Variants in CACNA2D2 observed in about 807,000 individuals in gnomAD.
CACNA2D2 encodes voltage-dependent calcium channel subunit alpha-2/delta-2.
In CACNA2D2, 48 loss-of-function variants were observed where a neutral mutation model predicts 166.4. The observed-to-expected ratio is 0.29, with a 90% CI of 0.23 to 0.37. The LOEUF (loss-of-function observed/expected upper bound fraction) is 0.37. CACNA2D2 is among the 10% of genes least tolerant of loss of function. The pLI is 1.00. For synonymous variants in CACNA2D2, 561 were observed against 573.7 expected (o/e 0.98, Z 0.32); for missense variants, 1,122 against 1,433.0 (o/e 0.78, Z 3.50).
chr3:50,444,733 G>GA (rs1487931595), intron 2 of CACNA2D2, among the ~76,000 whole-genome samples: 1 of 152,244 alleles, frequency 6.6e-6, no homozygotes, highest in African/African-American at 2.4e-5. Context: ...GGCTGCTCTT[G>GA]TGAAAACATG....
Position 50,374,670 on chromosome 3 carries a change from C to G in CACNA2D2, c.1984+67G>C. The G allele has an allele frequency of 6.5e-6, 10 of 1,536,584 alleles. No homozygotes were observed. In the South Asian group the frequency reaches 1.2e-4, roughly 18 times the overall value. ...CCGGCAAGCGGCGCTGGCTATGCTG[C>G]CTGGGGCCGGCCAGGGTGCGGGGCA... is the stretch of plus-strand genomic sequence containing the variant. On this transcript the variant is annotated intron_variant, in intron 22 of 37. Coordinates refer to ENST00000424201, the MANE Select transcript of CACNA2D2 (RefSeq NM_006030.4).
At chr3:50,472,562 C>T (rs905684070) in intron 2 of CACNA2D2, among the ~76,000 whole-genome samples, 4 of 152,034 alleles carry the variant, frequency 2.6e-5, no homozygotes, top group African/African-American at 2.4e-5. Context: ...GAATGCATCC[C>T]GGGGCTGGCA....
chr3:50,398,276 G>C (rs758805928), intron 3 of CACNA2D2, among the ~76,000 whole-genome samples: 8 of 152,100 alleles, frequency 5.3e-5, no homozygotes, highest in Non-Finnish European at 1.2e-4. Context: ...GGAGGTGCCT[G>C]CAGTCTCTGG....
At chr3:50,430,899 G>A (rs1214246587) in intron 3 of CACNA2D2, among the ~76,000 whole-genome samples, 1 of 152,136 alleles carries the variant, frequency 6.6e-6, no homozygotes, top group East Asian at 1.9e-4. Context: ...CCAGACTTGG[G>A]GATGCTGGTT....
At chr3:50,493,124 G>T (rs191104986) in intron 1 of CACNA2D2, among the ~76,000 whole-genome samples, 1 of 152,064 alleles carries the variant, frequency 6.6e-6, no homozygotes, top group Admixed American at 6.5e-5. Context: ...CTTCTTCCTT[G>T]GCCCCAACTC....
At chr3:50,457,834 CAGA>C (rs1302370149) in intron 2 of CACNA2D2, among the ~76,000 whole-genome samples, 1 of 152,238 alleles carries the variant, frequency 6.6e-6, no homozygotes, top group Non-Finnish European at 1.5e-5. Flanking sequence ...CCCTCAGCTT[CAGA>C]AGAAGCTCAA....
Position 50,380,854 on chromosome 3 carries a change from G to A in CACNA2D2, c.785-49C>T. On this transcript the variant is annotated intron_variant, in intron 7 of 37. Transcript: ENST00000424201. The surrounding 1 kb of genome is among the most constrained non-coding windows in gnomAD (Gnocchi z 4.9). Reference sequence around the variant, plus strand: ...GGGACTGGCAGGAAAGGGCTGGCCTGGGTAGGCAGACCTTGCAGAGGCGAC... The same window carrying A: ...GGGACTGGCAGGAAAGGGCTGGCCTAGGTAGGCAGACCTTGCAGAGGCGAC... The A allele has an allele frequency of 1.3e-6, 2 of 1,533,056 alleles. No homozygotes were observed. The highest frequency in any genetic ancestry group is 8.8e-7 in the Non-Finnish European group (1 of 1,135,846). The allele number at this position is 1,533,056 out of a possible 1,614,324, so 95.0% of individuals were successfully genotyped here.
chr3:50,374,633 G>A (rs1232317125), intron 22 of CACNA2D2, 104 bp downstream of exon 22: 2 of 1,319,614 alleles, frequency 1.5e-6, no homozygotes, highest in Admixed American at 2.0e-5. Flanking sequence ...CTGGGCAGGA[G>A]GGACTGCCTC....
chr3:50,373,445 T>G (rs1372089333), intron 22 of CACNA2D2, among the ~76,000 whole-genome samples: 1 of 126,596 alleles, frequency 7.9e-6, no homozygotes, highest in Non-Finnish European at 1.6e-5. Context: ...GAGCAGGGCA[T>G]GCAGGGGTGA....
intron 22 of CACNA2D2, among the ~76,000 whole-genome samples, chr3:50,374,469 G>A (rs747136690): frequency 6.6e-6 from 1 of 151,674 alleles, no homozygotes; most frequent in African/African-American, 2.4e-5. Context: ...GGCAGGCTAA[G>A]GAGGGAAGAC....
intron 5 of CACNA2D2, among the ~76,000 whole-genome samples, chr3:50,386,580 G>A (rs1191415106): frequency 2.6e-5 from 4 of 152,268 alleles, no homozygotes; most frequent in African/African-American, 4.8e-5. Flanking sequence ...GCTCCGTCTC[G>A]GGCCCTGTGC....
intron 6 of CACNA2D2, among the ~76,000 whole-genome samples, chr3:50,383,904 G>A (rs1705451954): frequency 6.6e-6 from 1 of 152,228 alleles, no homozygotes; most frequent in South Asian, 2.1e-4. Flanking sequence ...CGGTCTCTGT[G>A]TGCGTGCATT....
intron 3 of CACNA2D2, among the ~76,000 whole-genome samples, chr3:50,410,964 C>T (rs760973643): frequency 2.6e-5 from 4 of 152,236 alleles, no homozygotes; most frequent in Non-Finnish European, 2.9e-5. Flanking sequence ...CTCAGGCACA[C>T]GTGCATATGG....
At chr3:50,485,523 T>C (rs1034282673) in intron 1 of CACNA2D2, among the ~76,000 whole-genome samples, 3 of 152,242 alleles carry the variant, frequency 2.0e-5, no homozygotes, top group Admixed American at 6.5e-5. Flanking sequence ...AAATAATCAT[T>C]ATAAACGTTG....
Position 50,364,588 on chromosome 3 carries a change from G to A in CACNA2D2, c.*78C>T, listed in dbSNP as rs1704105880. The A allele has an allele frequency of 6.4e-6, 9 of 1,415,320 alleles. No homozygotes were observed. In the South Asian group the frequency reaches 1.3e-4, roughly 21 times the overall value. 87.7% of individuals were successfully genotyped at this position (1,415,320 alleles called of 1,614,324 possible). A position where few individuals can be genotyped will look rare whatever the true frequency, so the allele number is the denominator to read the frequency against. On this transcript the variant is annotated 3_prime_UTR_variant, in exon 38 of 38. Coordinates refer to ENST00000424201, the MANE Select transcript of CACNA2D2 (RefSeq NM_006030.4). ...TGAGGGAGGGACGAGGCTCTAAGGC[G>A]GGGAGTGTGGGGCAGGAGGGTGGGA...
intron 3 of CACNA2D2, among the ~76,000 whole-genome samples, chr3:50,405,563 G>C (rs1158843591): frequency 1.3e-5 from 2 of 152,204 alleles, no homozygotes; most frequent in African/African-American, 2.4e-5. Context: ...GCATAACCTT[G>C]AGTAATGGTG....
intron 3 of CACNA2D2, among the ~76,000 whole-genome samples, chr3:50,428,641 C>G (rs533942104): frequency 1.4e-3 from 209 of 152,298 alleles, no homozygotes; most frequent in Non-Finnish European, 1.6e-3. Context: ...GAACCAAGGC[C>G]AGAACTGCAT....
intron 23 of CACNA2D2, among the ~76,000 whole-genome samples, chr3:50,369,159 T>C (rs938605448): frequency 3.3e-5 from 5 of 152,212 alleles, no homozygotes; most frequent in East Asian, 1.9e-4. Context: ...AGAGGCCACA[T>C]TGGACACACC....
At chr3:50,472,924 CA>C (rs1219025524) in intron 2 of CACNA2D2, among the ~76,000 whole-genome samples, 1 of 152,212 alleles carries the variant, frequency 6.6e-6, no homozygotes, top group Non-Finnish European at 1.5e-5. Flanking sequence ...AGGCTCCAGA[CA>C]CCTTGCTCAG....
Sources: gnomAD v4.1 joint callset for allele counts (sites outside exome capture counted in the v4.1 genomes callset) on GRCh38, gnomAD v4.1.1 for gene constraint, Gnocchi (gnomAD v3.1) non-coding constraint, MANE v1.5 for transcripts, NCBI Gene and HGNC (gene_info 2026-07-23, HGNC 2026-07-21) for gene names.